Variants in LAIR1 observed in about 807,000 individuals in gnomAD.
LAIR1 encodes the protein leukocyte-associated immunoglobulin-like receptor 1.
LAIR1 carries 24 observed loss-of-function variants against 32.8 expected under a neutral mutation model. The ratio of observed to expected loss-of-function variants is 0.73; its 90% CI spans 0.53 to 1.03. LAIR1 has a LOEUF of 1.03. Ranked by LOEUF, LAIR1 falls within the 50% of genes least tolerant of loss-of-function variation. The pLI, the probability that LAIR1 is intolerant of heterozygous loss-of-function variation, is 0.00. For missense variants in LAIR1, 355 were observed against 347.5 expected (o/e 1.02, Z -0.17); for synonymous variants, 150 against 140.5 (o/e 1.07, Z -0.48).
upstream of LAIR1, among the ~76,000 whole-genome samples, chr19:54,370,741 G>A (rs1268499817): frequency 6.6e-6 from 1 of 150,586 alleles, no homozygotes; most frequent in East Asian, 1.9e-4. Context: ...ATTCCCAAAC[G>A]TTACTTTTTT....
chr19:54,372,056 G>A (rs2082418003), upstream of LAIR1, among the ~76,000 whole-genome samples: 1 of 151,614 alleles, frequency 6.6e-6, no homozygotes, highest in African/African-American at 2.4e-5. Flanking sequence ...AGGGCATCTT[G>A]GTTGCTTCCA....
upstream of LAIR1, among the ~76,000 whole-genome samples, chr19:54,373,268 C>T (rs2082449439): frequency 6.6e-6 from 1 of 151,202 alleles, no homozygotes; most frequent in Non-Finnish European, 1.5e-5. Context: ...CGGTGAAACC[C>T]CATCTCTACT....
intron 2 of LAIR1, among the ~76,000 whole-genome samples, chr19:54,362,174 T>C (rs1008283929): frequency 6.6e-6 from 1 of 152,140 alleles, no homozygotes; most frequent in Non-Finnish European, 1.5e-5. Flanking sequence ...GGTGAGAACA[T>C]TTAAAATCTG....
At chr19:54,368,867 A>C (rs1442525372), upstream of LAIR1, among the ~76,000 whole-genome samples, 2 of 151,506 alleles carry the variant, frequency 1.3e-5, no homozygotes, top group African/African-American at 2.4e-5. Flanking sequence ...TTGTATTTTT[A>C]GTAGAGACGG....
At chr19:54,369,650 C>T (rs1358639429), upstream of LAIR1, among the ~76,000 whole-genome samples, 4 of 151,486 alleles carry the variant, frequency 2.6e-5, no homozygotes, top group African/African-American at 4.9e-5. Flanking sequence ...AAAAACGTTA[C>T]TTGATGTGGG....
chr19:54,367,805 G>A (rs1305984766), upstream of LAIR1, among the ~76,000 whole-genome samples: 11 of 133,370 alleles, frequency 8.2e-5, no homozygotes, highest in Admixed American at 3.1e-4. Flanking sequence ...TCGCTCTGTC[G>A]CCCAGGCCGG....
At chr19:54,358,890 G>T (rs1055955253) in intron 4 of LAIR1, among the ~76,000 whole-genome samples, 3 of 152,080 alleles carry the variant, frequency 2.0e-5, no homozygotes, top group Admixed American at 2.0e-4. Flanking sequence ...CTGCAGGAGG[G>T]TCTGTCCTCG....
intron 4 of LAIR1, chr19:54,358,021 A>G (rs2081808099): frequency 1.4e-5 from 2 of 147,394 alleles, no homozygotes; most frequent in African/African-American, 5.1e-5. Context: ...TATAACAAAT[A>G]TATTTTTAAT....
At chr19:54,360,857 C>G in intron 3 of LAIR1, 59 bp downstream of exon 3, 1 of 1,548,938 alleles carries the variant, frequency 6.5e-7, no homozygotes, top group Non-Finnish European at 8.8e-7. Flanking sequence ...GTCCAGGGAC[C>G]TGGGGACAAG....
At position 54,364,704 on chromosome 19, in the gene LAIR1, C is replaced by T; in HGVS notation, c.34+67G>A. 1.5e-6 allele frequency: 2 copies of T among 1,355,156 alleles called. No individual in the cohort carries two copies. Among genetic ancestry groups the T allele is most frequent in the Non-Finnish European group, 2.1e-6 (2 of 949,234 alleles). 83.9% of individuals were successfully genotyped at this position (1,355,156 alleles called of 1,614,324 possible). A position where few individuals can be genotyped will look rare whatever the true frequency, so the allele number is the denominator to read the frequency against. On this transcript the variant is annotated intron_variant, in intron 1 of 9. Coordinates refer to ENST00000391742, the MANE Select transcript of LAIR1 (RefSeq NM_002287.6). The surrounding 1 kb of genome is among the most constrained non-coding windows in gnomAD (Gnocchi z 4.8). ...CAGAATCTTCTGGACTAGAGTCAGG[C>T]TTGAGCAGGGAATTTTCCAGACCTC...
chr19:54,374,553 G>C (rs188559623), upstream of LAIR1, among the ~76,000 whole-genome samples: 1 of 152,146 alleles, frequency 6.6e-6, no homozygotes, highest in Non-Finnish European at 1.5e-5. Context: ...TTTGGCTGCC[G>C]CAGTGACCTT....
rs1569203777 is a variant in LAIR1 at position 54,364,666 on chromosome 19, A to T, written c.34+105T>A. ...GCAGGGCAGTCTTGGGAGGAGGAGGACACTTTCCTCCCCAGAATCTTCTGG... is the reference window on the plus strand; with the variant it reads ...GCAGGGCAGTCTTGGGAGGAGGAGGTCACTTTCCTCCCCAGAATCTTCTGG... On this transcript the variant is annotated intron_variant, in intron 1 of 9. Coordinates refer to ENST00000391742, the MANE Select transcript of LAIR1 (RefSeq NM_002287.6). This position sits in a 1 kb window ranked among gnomAD's most constrained non-coding sequence, Gnocchi z 4.8. The T allele has an allele frequency of 2.0e-6, 2 of 1,013,162 alleles. No homozygotes were observed. Among genetic ancestry groups the T allele is most frequent in the African/African-American group, 1.6e-5 (1 of 63,166 alleles). 62.8% of individuals were successfully genotyped at this position (1,013,162 alleles called of 1,614,324 possible).
In LAIR1 at chr19:54,355,838, C is replaced by A; in HGVS notation, c.717+116G>T. Reference sequence around the variant, plus strand: ...CGACCTCTCGACAGCAACCTCAGGACAGGCCGTGAGCCGGAACCGCCCAGC... The same window carrying A: ...CGACCTCTCGACAGCAACCTCAGGAAAGGCCGTGAGCCGGAACCGCCCAGC... On this transcript the variant is annotated intron_variant, in intron 9 of 9. Coordinates refer to ENST00000391742, the MANE Select transcript of LAIR1 (RefSeq NM_002287.6). The surrounding 1 kb of genome is among the most constrained non-coding windows in gnomAD (Gnocchi z 4.7). 1 of 743,122 alleles carries A rather than the reference C, an allele frequency of 1.3e-6. No homozygotes were observed. Among genetic ancestry groups the A allele is most frequent in the Non-Finnish European group, 2.4e-6 (1 of 417,918 alleles). 46.0% of individuals were successfully genotyped at this position (743,122 alleles called of 1,614,324 possible). A position where few individuals can be genotyped will look rare whatever the true frequency, so the allele number is the denominator to read the frequency against.
intron 4 of LAIR1, 144 bp from the exon 5 acceptor site, chr19:54,357,110 G>T: frequency 1.5e-6 from 1 of 661,028 alleles, no homozygotes; most frequent in Non-Finnish European, 2.6e-6. Context: ...CCGACCAGCA[G>T]AGTCTTCTGT....
rs2081725881 is a variant in LAIR1 at position 54,356,618 on chromosome 19, A to C, written c.456T>G (p.His152Gln). The change falls in exon 6 of 10, where the codon CAT becomes CAG. Residue 152 changes from histidine to glutamine, a missense_variant and splice_region_variant. By Grantham distance (24) the His-to-Gln change is conservative. Coordinates refer to ENST00000391742, the MANE Select transcript of LAIR1 (RefSeq NM_002287.6). ...CTTTCAGGCCTTGGGAAGCAGGTGC[A>C]TCTAAGAAAGACAGAAACAGGATTT... ...QRPSDNSHNE[H>Q]APASQGLKAE... 1 of 1,613,668 alleles carries C rather than the reference A, an allele frequency of 6.2e-7. No individual in the cohort carries two copies. Among genetic ancestry groups the C allele is most frequent in the African/African-American group, 1.3e-5 (1 of 75,016 alleles).
upstream of LAIR1, among the ~76,000 whole-genome samples, chr19:54,369,146 T>A (rs2082343373): frequency 6.7e-6 from 1 of 149,666 alleles, no homozygotes. Context: ...AAAAAAAAAA[T>A]TAACACTGGT....
chr19:54,372,921 AG>A (rs2082440064), upstream of LAIR1, among the ~76,000 whole-genome samples: 1 of 151,142 alleles, frequency 6.6e-6, no homozygotes, highest in African/African-American at 2.5e-5. Flanking sequence ...ACTTGAGGTC[AG>A]GAGTTCGAGT....
intron 7 of LAIR1, 44 bp downstream of exon 7, chr19:54,356,312 C>A (rs778371146): frequency 1.2e-6 from 2 of 1,606,382 alleles, no homozygotes; most frequent in Non-Finnish European, 1.7e-6. Context: ...GCCTGGCGGC[C>A]GAGGACTGGG....
upstream of LAIR1, among the ~76,000 whole-genome samples, chr19:54,365,781 T>TCAAA (rs2082232187): frequency 7.6e-6 from 1 of 131,702 alleles, no homozygotes; most frequent in Non-Finnish European, 1.7e-5. Context: ...AGACTCTGTC[T>TCAAA]AAAAAAAAAA....
Sources: gnomAD v4.1 joint callset for allele counts (sites outside exome capture counted in the v4.1 genomes callset) on GRCh38, gnomAD v4.1.1 for gene constraint, Gnocchi (gnomAD v3.1) non-coding constraint, MANE v1.5 for transcripts, NCBI Gene and HGNC (gene_info 2026-07-23, HGNC 2026-07-21) for gene names.